The following NCOA5 variants were observed in gnomAD, a reference collection of about 807,000 sequenced individuals.
NCOA5 encodes the protein nuclear receptor coactivator 5, also known as NCoA-5.
In NCOA5, 12 loss-of-function variants were observed where a neutral mutation model predicts 59.0. The ratio of observed to expected loss-of-function variants is 0.20; its 90% confidence interval spans 0.13 to 0.33. The LOEUF is 0.33. Ranked by LOEUF, NCOA5 falls within the 10% of genes least tolerant of loss-of-function variation. The pLI is 1.00. For synonymous variants in NCOA5, 270 were observed against 275.5 expected (o/e 0.98, Z 0.20); for missense variants, 655 against 766.6 (o/e 0.85, Z 1.72).
At chr20:46,078,627 T>C (rs2084962784) in intron 2 of NCOA5, among the ~76,000 whole-genome samples, 1 of 145,666 alleles carries the variant, frequency 6.9e-6, no homozygotes, top group East Asian at 1.9e-4. Flanking sequence ...TACACAAAAC[T>C]GCATCCACTT....
At chr20:46,078,426 T>C (rs1214836264) in intron 2 of NCOA5, among the ~76,000 whole-genome samples, 5 of 152,242 alleles carry the variant, frequency 3.3e-5, no homozygotes, top group African/African-American at 1.2e-4. Flanking sequence ...GAGGATTCAC[T>C]GTATGCAGCA....
rs2084970203 is a variant in NCOA5, at chr20:46,079,545, T to C, written c.-29-92A>G. The C allele has an allele frequency of 4.8e-6, 5 of 1,045,754 alleles. No homozygotes were observed. In the Admixed American group the frequency reaches 8.0e-5, roughly 17 times the overall value. The allele number at this position is 1,045,754 out of a possible 1,614,324, so 64.8% of individuals were successfully genotyped here. A position where few individuals can be genotyped will look rare whatever the true frequency, so the allele number is the denominator to read the frequency against. ...AAATGAAAGCAACAACAACAAAAAC[T>C]ACAATGACAACCAGATGGTGTAAGA... is the stretch of plus-strand genomic sequence containing the variant. On this transcript the variant is annotated intron_variant, in intron 1 of 7. Transcript: ENST00000290231.
intron 6 of NCOA5, among the ~76,000 whole-genome samples, chr20:46,064,664 T>C (rs1304457367): frequency 6.6e-6 from 1 of 152,238 alleles, no homozygotes; most frequent in Non-Finnish European, 1.5e-5. Flanking sequence ...TGTACATTTC[T>C]TTCCAACTCT....
At chr20:46,085,867 C>T (rs1432369128) in intron 1 of NCOA5, among the ~76,000 whole-genome samples, 4 of 152,068 alleles carry the variant, frequency 2.6e-5, no homozygotes, top group African/African-American at 9.7e-5. Flanking sequence ...TATATTATCC[C>T]CAAATGCGGT....
intron 1 of NCOA5, among the ~76,000 whole-genome samples, chr20:46,081,340 A>G (rs1036924888): frequency 2.0e-5 from 3 of 152,126 alleles, no homozygotes; most frequent in African/African-American, 7.2e-5. Context: ...GAAAAGGAAT[A>G]TTACACTGTA....
chr20:46,077,159 C>G (rs1251571350), intron 2 of NCOA5, among the ~76,000 whole-genome samples: 2 of 152,186 alleles, frequency 1.3e-5, no homozygotes, highest in African/African-American at 4.8e-5. Context: ...ATCCGCCCAC[C>G]TCGTCCTCCC....
chr20:46,086,930 G>T (rs2085051462), intron 1 of NCOA5, among the ~76,000 whole-genome samples: 1 of 152,162 alleles, frequency 6.6e-6, no homozygotes, highest in African/African-American at 2.4e-5. Context: ...TTGGAGTAAG[G>T]ACACCACTAT....
At chr20:46,087,225 G>A (rs935383147) in intron 1 of NCOA5, among the ~76,000 whole-genome samples, 2 of 152,106 alleles carry the variant, frequency 1.3e-5, no homozygotes, top group Non-Finnish European at 2.9e-5. Context: ...TTCACGTGGG[G>A]AGTCAAAAAC....
intron 1 of NCOA5, among the ~76,000 whole-genome samples, chr20:46,081,326 A>G (rs1405976441): frequency 6.6e-6 from 1 of 152,106 alleles, no homozygotes; most frequent in African/African-American, 2.4e-5. Context: ...TGCTCTCTAC[A>G]TATGAAAAGG....
intron 1 of NCOA5, among the ~76,000 whole-genome samples, chr20:46,081,082 T>C (rs2084987205): frequency 6.6e-6 from 1 of 152,122 alleles, no homozygotes; most frequent in Non-Finnish European, 1.5e-5. Flanking sequence ...GAGAGAAATA[T>C]AATATCTTTG....
At chr20:46,082,635 C>T (rs2085003385) in intron 1 of NCOA5, among the ~76,000 whole-genome samples, 1 of 152,194 alleles carries the variant, frequency 6.6e-6, no homozygotes. Flanking sequence ...GTTAATTATA[C>T]TAGCAATGTG....
chr20:46,071,375 G>A (rs527754308), intron 2 of NCOA5, among the ~76,000 whole-genome samples: 1 of 152,198 alleles, frequency 6.6e-6, no homozygotes, highest in East Asian at 1.9e-4. Flanking sequence ...TTAAGTTCTT[G>A]AATATTAACT....
intron 1 of NCOA5, among the ~76,000 whole-genome samples, chr20:46,089,105 T>A (rs2085072543): frequency 6.6e-6 from 1 of 152,114 alleles, no homozygotes; most frequent in Admixed American, 6.5e-5. Flanking sequence ...TGCAACGCCG[T>A]CCTAAGAGAA....
In NCOA5 at chr20:46,065,216, C is replaced by T; in HGVS notation, c.642G>A (p.Glu214=). 1 of 1,614,200 alleles carries T rather than the reference C, an allele frequency of 6.2e-7. No individual in the cohort carries two copies. Among genetic ancestry groups the T allele is most frequent in the Non-Finnish European group, 8.5e-7 (1 of 1,180,030 alleles). The stretch of plus-strand genomic sequence containing the variant: ...GGTCTCGCACCTTCCGCCCCACAGA[C>T]TCAGCATAGTCTCTGTAAAAATAAA... ...VVNKQTKDYA[E]SVGRKVRDLG... Residue 214 remains glutamate (E), a synonymous_variant, in exon 6 of 8, where the codon GAG becomes GAA. Transcript: ENST00000290231.
intron 1 of NCOA5, among the ~76,000 whole-genome samples, chr20:46,085,681 C>A (rs530163159): frequency 2.6e-5 from 4 of 151,912 alleles, no homozygotes; most frequent in African/African-American, 9.7e-5. Flanking sequence ...GTTGGGAACA[C>A]GGGGATAGGA....
rs956649846 is a variant in NCOA5 at position 46,083,005 on chromosome 20, TG to T, written c.-29-3553del. Reference sequence around the variant, plus strand: ...TCACTCACAGTACCAAAAACTACTTTGTTCTACTTATTTTTTAATTGTACAA... The same window carrying T: ...TCACTCACAGTACCAAAAACTACTTTTTCTACTTATTTTTTAATTGTACAA... On this transcript the variant is annotated intron_variant, in intron 1 of 7. Transcript: ENST00000290231. Among the ~76,000 whole-genome samples, 16 of 152,368 alleles carry T rather than the reference TG, an allele frequency of 1.1e-4. No homozygotes were observed. In the South Asian group the frequency reaches 1.4e-3, roughly 14 times the overall value.
intron 2 of NCOA5, among the ~76,000 whole-genome samples, chr20:46,074,645 A>G (rs1204040730): frequency 6.6e-6 from 1 of 152,216 alleles, no homozygotes; most frequent in East Asian, 1.9e-4. Flanking sequence ...AAAGGGGTGA[A>G]GGGGAAAACA....
intron 1 of NCOA5, among the ~76,000 whole-genome samples, chr20:46,080,132 A>C (rs535701004): frequency 6.6e-6 from 1 of 152,298 alleles, no homozygotes; most frequent in African/African-American, 2.4e-5. Flanking sequence ...CACTCCTCCT[A>C]AGTTGTTTTC....
intron 1 of NCOA5, among the ~76,000 whole-genome samples, chr20:46,088,956 T>A (rs529214113): frequency 6.6e-6 from 1 of 152,272 alleles, no homozygotes; most frequent in African/African-American, 2.4e-5. Flanking sequence ...AGTACCCGGT[T>A]TGTGATTGAA....
Sources: gnomAD v4.1 joint callset for allele counts (sites outside exome capture counted in the v4.1 genomes callset) on GRCh38, gnomAD v4.1.1 for gene constraint, MANE v1.5 for transcripts, NCBI Gene and HGNC (gene_info 2026-07-23, HGNC 2026-07-21) for gene names.